Variants in LMBRD1 observed in about 807,000 individuals in gnomAD.
LMBRD1 encodes lysosomal cobalamin transport escort protein LMBD1.
In LMBRD1, 64 loss-of-function variants were observed where a neutral mutation model predicts 74.8. The observed-to-expected ratio is 0.86, with a 90% CI of 0.70 to 1.05. LMBRD1 has a LOEUF of 1.05. Among genes scored for constraint, LMBRD1 ranks in the 50% least tolerant of loss-of-function variants. The pLI, the probability that LMBRD1 is intolerant of heterozygous loss-of-function variation, is 0.00. For synonymous variants in LMBRD1, 204 were observed against 216.3 expected (o/e 0.94, Z 0.50); for missense variants, 652 against 645.9 (o/e 1.01, Z -0.10).
At chr6:69,776,954 A>G (rs528858246) in intron 3 of LMBRD1, among the ~76,000 whole-genome samples, 1 of 152,066 alleles carries the variant, frequency 6.6e-6, no homozygotes, top group Non-Finnish European at 1.5e-5. Flanking sequence ...CGAGACTAGT[A>G]TGACCAACAT....
At position 69,675,253 on chromosome 6, in the gene LMBRD1, T is replaced by A. The variant is rs1485553636; in HGVS notation, c.*905A>T. 6.6e-6 allele frequency among the ~76,000 whole-genome samples: 1 copy of A among 152,226 alleles called. No homozygotes were observed. The highest frequency in any genetic ancestry group is 1.5e-5 in the Non-Finnish European group (1 of 68,044). Reference sequence around the variant, plus strand: ...TACTTTTTTATGAGTTCTAATGTGCTTATGTTAGTAAACTAGAATATAATT... The same window carrying A: ...TACTTTTTTATGAGTTCTAATGTGCATATGTTAGTAAACTAGAATATAATT... On this transcript the variant is annotated 3_prime_UTR_variant, in exon 16 of 16. Transcript: ENST00000649934.
At chr6:69,774,998 G>C (rs1765665355) in intron 3 of LMBRD1, among the ~76,000 whole-genome samples, 1 of 46,740 alleles carries the variant, frequency 2.1e-5, no homozygotes, top group African/African-American at 5.9e-5. Flanking sequence ...AGGGAGGGAG[G>C]GAGGGAGGGA....
chr6:69,723,221 T>A (rs1309213745), intron 7 of LMBRD1, among the ~76,000 whole-genome samples: 1 of 152,110 alleles, frequency 6.6e-6, no homozygotes, highest in Non-Finnish European at 1.5e-5. Flanking sequence ...ACATTAACAA[T>A]GGAGACTTCA....
Position 69,780,557 on chromosome 6 carries a change from A to T in LMBRD1, c.247-3T>A. 1.9e-6 allele frequency: 3 copies of T among 1,601,386 alleles called. No individual in the cohort carries two copies. Among genetic ancestry groups the T allele is most frequent in the Non-Finnish European group, 1.7e-6 (2 of 1,169,102 alleles). ...CTGACATTAGCATTAGCCCAGTCCTAGGATAAAAGGAAACAATAGAAATAT... is the reference window on the plus strand; with the variant it reads ...CTGACATTAGCATTAGCCCAGTCCTTGGATAAAAGGAAACAATAGAAATAT... On this transcript the variant is annotated splice_region_variant and splice_polypyrimidine_tract_variant and intron_variant, in intron 2 of 15. Coordinates refer to ENST00000649934, the MANE Select transcript of LMBRD1 (RefSeq NM_018368.4).
intron 2 of LMBRD1, among the ~76,000 whole-genome samples, chr6:69,785,319 C>G (rs1765922944): frequency 6.6e-6 from 1 of 152,188 alleles, no homozygotes; most frequent in Non-Finnish European, 1.5e-5. Context: ...GTCTTCCCAG[C>G]TGCTAGTCAG....
At chr6:69,775,007 G>GCA (rs1765666373) in intron 3 of LMBRD1, among the ~76,000 whole-genome samples, 1 of 76,076 alleles carries the variant, frequency 1.3e-5, no homozygotes, top group East Asian at 3.9e-4. Context: ...GGGAGGGAGG[G>GCA]AGGGAGGGAG....
At chr6:69,699,266 T>C in intron 12 of LMBRD1, 74 bp from the exon 13 acceptor site, 1 of 1,334,478 alleles carries the variant, frequency 7.5e-7, no homozygotes, top group Non-Finnish European at 1.1e-6. Context: ...TCTTGTGTTA[T>C]GGGAAATGAT....
Position 69,752,337 on chromosome 6 carries a change from CAATAT to C in LMBRD1, c.322_326del (p.Ile108ValfsTer15). The C allele has an allele frequency of 6.2e-7, 1 of 1,609,134 alleles. No individual in the cohort carries two copies. Among genetic ancestry groups the C allele is most frequent in the Non-Finnish European group, 8.5e-7 (1 of 1,176,116 alleles). ...AAGGGATCCAGAAGAACACACAGAA[CAATAT>C]AACAGAATATAAAGCTGTGGAAATA... is the stretch of plus-strand genomic sequence containing the variant. On this transcript the variant is annotated frameshift_variant, in exon 4 of 16. Coordinates refer to ENST00000649934, the MANE Select transcript of LMBRD1 (RefSeq NM_018368.4). LOFTEE classifies it high-confidence loss of function.
chr6:69,759,589 C>T (rs1344053228), intron 3 of LMBRD1, among the ~76,000 whole-genome samples: 1 of 151,694 alleles, frequency 6.6e-6, no homozygotes, highest in East Asian at 1.9e-4. Flanking sequence ...CCAAAACAAA[C>T]AAAAAAGCTT....
intron 14 of LMBRD1, among the ~76,000 whole-genome samples, chr6:69,688,763 TTATC>T (rs1415007842): frequency 2.6e-5 from 4 of 151,990 alleles, no homozygotes; most frequent in Admixed American, 6.5e-5. Context: ...AATAAAGTGA[TTATC>T]TACTTCTTTC....
chr6:69,762,767 C>A (rs1765398155), intron 3 of LMBRD1, among the ~76,000 whole-genome samples: 2 of 152,024 alleles, frequency 1.3e-5, no homozygotes. Flanking sequence ...GAAGAGAGAC[C>A]AGAGTTCAAT....
intron 14 of LMBRD1, among the ~76,000 whole-genome samples, chr6:69,680,003 T>C (rs1765628070): frequency 2.0e-5 from 3 of 152,162 alleles, no homozygotes; most frequent in Non-Finnish European, 4.4e-5. Flanking sequence ...TGGTTAGTCA[T>C]TAATATCATG....
At position 69,680,096 on chromosome 6, in the gene LMBRD1, A is replaced by T. The variant is rs184006513; in HGVS notation, c.1418-3555T>A. On this transcript the variant is annotated intron_variant, in intron 14 of 15. Transcript: ENST00000649934. ...GATTTGGCAAAATTCAAATTTGTATAATCAGTATCAGCATACACTGCTAAA... is the reference window on the plus strand; with the variant it reads ...GATTTGGCAAAATTCAAATTTGTATTATCAGTATCAGCATACACTGCTAAA... Among the ~76,000 whole-genome samples, 82 of 152,266 alleles carry T rather than the reference A, an allele frequency of 5.4e-4. 1 individual carries two copies. In the East Asian group the frequency reaches 0.014, roughly 25 times the overall value.
At chr6:69,732,435 ATGT>A (rs1318150629) in intron 7 of LMBRD1, among the ~76,000 whole-genome samples, 1 of 152,236 alleles carries the variant, frequency 6.6e-6, no homozygotes, top group Admixed American at 6.5e-5. Flanking sequence ...AGACACCTTG[ATGT>A]TGTACTTCCC....
intron 14 of LMBRD1, among the ~76,000 whole-genome samples, chr6:69,695,411 T>C (rs758792210): frequency 3.9e-5 from 6 of 152,100 alleles, no homozygotes; most frequent in Non-Finnish European, 8.8e-5. Flanking sequence ...CATTCTCTTC[T>C]CACTCTCTAC....
At position 69,701,382 on chromosome 6, in the gene LMBRD1, C is replaced by A. The variant is rs1003574625; in HGVS notation, c.1083+61G>T. 2.1e-5 allele frequency: 20 copies of A among 959,450 alleles called. No individual in the cohort carries two copies. The African/African-American group carries it at 3.2e-4, about 16-fold the overall frequency. The allele number at this position is 959,450 out of a possible 1,614,324, so 59.4% of individuals were successfully genotyped here. ...GTGCAACAGGATGTCAGAATGTTTGCTAGACTCTAGCATTTTATACTCTAG... is the reference window on the plus strand; with the variant it reads ...GTGCAACAGGATGTCAGAATGTTTGATAGACTCTAGCATTTTATACTCTAG... On this transcript the variant is annotated intron_variant, in intron 11 of 15. Transcript: ENST00000649934.
chr6:69,727,714 C>G (rs538448932), intron 7 of LMBRD1, among the ~76,000 whole-genome samples: 68 of 151,132 alleles, frequency 4.5e-4, no homozygotes, highest in African/African-American at 1.6e-3. Context: ...AAAAGCATCT[C>G]GTTTATATTT....
intron 3 of LMBRD1, among the ~76,000 whole-genome samples, chr6:69,769,547 G>C (rs764546144): frequency 6.6e-6 from 1 of 151,852 alleles, no homozygotes; most frequent in African/African-American, 2.4e-5. Flanking sequence ...CTATTTCTTT[G>C]CATATTTTAT....
chr6:69,737,370 CT>C (rs1766998731), intron 7 of LMBRD1, among the ~76,000 whole-genome samples: 1 of 151,920 alleles, frequency 6.6e-6, no homozygotes, highest in Admixed American at 6.6e-5. Flanking sequence ...TAATTCACAC[CT>C]TACCACTTCC....
Sources: gnomAD v4.1 joint callset for allele counts (sites outside exome capture counted in the v4.1 genomes callset) on GRCh38, gnomAD v4.1.1 for gene constraint, MANE v1.5 for transcripts, NCBI Gene and HGNC (gene_info 2026-07-23, HGNC 2026-07-21) for gene names.